PTPRD: variants seen among roughly 807,000 people sequenced by gnomAD.
PTPRD encodes receptor-type tyrosine-protein phosphatase delta.
A neutral mutation model predicts 214.5 loss-of-function variants in PTPRD; 34 were observed. That is an observed-to-expected ratio of 0.16 (90% CI 0.12 to 0.21). The LOEUF (loss-of-function observed/expected upper bound fraction) is 0.21. Ranked by LOEUF, PTPRD falls within the 10% of genes least tolerant of loss-of-function variation. The probability of loss-of-function intolerance (pLI) is 1.00; values close to 1 mark genes in which losing one functional copy is unlikely to be tolerated. For synonymous variants in PTPRD, 1,128 were observed against 845.7 expected, an observed-to-expected ratio of 1.33 and a Z score of -5.79; for missense variants, 2,545 against 2,398.7, an observed-to-expected ratio of 1.06 and a Z score of -1.27.
intron 3 of PTPRD, among the ~76,000 whole-genome samples, chr9:10,156,246 G>C (rs138555788): frequency 8.0e-4 from 122 of 151,866 alleles, no homozygotes; most frequent in Middle Eastern, 3.4e-3. Context: ...ATTTGAGATT[G>C]TTCTAACTTT....
Position 9,226,936 on chromosome 9 carries a change from A to T in PTPRD, c.-202-43573T>A, listed in dbSNP as rs145290082. ...TAAATATATCTAAATTTTGTTTCCA[A>T]CATACTAAAGGAGGACTTTAATTCA... On this transcript the variant is annotated intron_variant, in intron 9 of 45. Transcript: ENST00000381196. Among the ~76,000 whole-genome samples, 1,513 of 152,252 alleles carry T rather than the reference A, an allele frequency of 9.9e-3. 27 individuals carry two copies. The highest frequency in any genetic ancestry group is 0.035 in the African/African-American group (1,434 of 41,558).
At position 8,341,082 on chromosome 9, in the gene PTPRD, G is replaced by GTAGA. The variant is rs1450181953; in HGVS notation, c.5126+4_5126+7dup. ...GCTTTGGATAGTCAGGGGAGCAAAAGTAGATACCTGTATCCATCAATAAAA... is the reference window on the plus strand; with the variant it reads ...GCTTTGGATAGTCAGGGGAGCAAAAGTAGATAGATACCTGTATCCATCAATAAAA... On this transcript the variant is annotated splice_region_variant and intron_variant, in intron 41 of 45. Coordinates refer to ENST00000381196, the MANE Select transcript of PTPRD (RefSeq NM_002839.4). 1 of 1,583,806 alleles carries GTAGA rather than the reference G, an allele frequency of 6.3e-7. No homozygotes were observed. Among genetic ancestry groups the GTAGA allele is most frequent in the Non-Finnish European group, 8.6e-7 (1 of 1,165,772 alleles).
intron 6 of PTPRD, among the ~76,000 whole-genome samples, chr9:9,765,427 T>A (rs1236811649): frequency 6.6e-6 from 1 of 152,150 alleles, no homozygotes; most frequent in African/African-American, 2.4e-5. Flanking sequence ...AAACCAAGGA[T>A]GCCCAACTTT....
intron 5 of PTPRD, among the ~76,000 whole-genome samples, chr9:9,936,071 A>G (rs1387476838): frequency 6.8e-6 from 1 of 147,568 alleles, no homozygotes; most frequent in Non-Finnish European, 1.5e-5. Flanking sequence ...TTATACAAAA[A>G]TCAATTCAAG....
chr9:9,969,949 T>C (rs931212742), intron 4 of PTPRD, among the ~76,000 whole-genome samples: 1 of 152,164 alleles, frequency 6.6e-6, no homozygotes. Context: ...CTGTGCTTTC[T>C]TATCTCTGTC....
At chr9:9,931,845 G>C (rs2086737914) in intron 5 of PTPRD, among the ~76,000 whole-genome samples, 1 of 150,868 alleles carries the variant, frequency 6.6e-6, no homozygotes, top group Non-Finnish European at 1.5e-5. Flanking sequence ...GCTTTGAAGA[G>C]AGCAGTGGTT....
At chr9:9,109,984 C>T (rs10816048) in intron 10 of PTPRD, among the ~76,000 whole-genome samples, 12,050 of 151,824 alleles carry the variant, frequency 0.079, 623 homozygotes, top group East Asian at 0.16. Context: ...GGGTACTCAA[C>T]GAAATGAGCT....
At chr9:9,793,395 T>C (rs1435878315) in intron 5 of PTPRD, among the ~76,000 whole-genome samples, 2 of 152,114 alleles carry the variant, frequency 1.3e-5, no homozygotes, top group African/African-American at 4.8e-5. Context: ...GTCAAACTCA[T>C]GATCTTCTAT....
intron 3 of PTPRD, among the ~76,000 whole-genome samples, chr9:10,191,172 G>C (rs181990955): frequency 2.4e-4 from 37 of 152,152 alleles, no homozygotes; most frequent in Non-Finnish European, 4.3e-4. Flanking sequence ...GAATAAGAAA[G>C]AAATGATGTT....
rs903249657 is a variant in PTPRD at position 8,744,168 on chromosome 9, G to A, written c.-103-10222C>T. ...AAAAAATAGATGTTGGTGTAGATGT[G>A]GTGAAAAGGGAACACTTCTACACTG... On this transcript the variant is annotated intron_variant, in intron 11 of 45. Transcript: ENST00000381196. Among the ~76,000 whole-genome samples, 9 of 145,598 alleles carry A rather than the reference G, an allele frequency of 6.2e-5. No individual in the cohort carries two copies. The South Asian group carries it at 1.1e-3, about 18-fold the overall frequency.
At chr9:9,251,114 C>A (rs955242843) in intron 9 of PTPRD, among the ~76,000 whole-genome samples, 3 of 151,840 alleles carry the variant, frequency 2.0e-5, no homozygotes, top group Non-Finnish European at 4.4e-5. Flanking sequence ...ATCAGAGAAC[C>A]AAGGACAGAT....
chr9:9,306,396 T>A (rs1018922991), intron 9 of PTPRD, among the ~76,000 whole-genome samples: 1 of 151,412 alleles, frequency 6.6e-6, no homozygotes, highest in Non-Finnish European at 1.5e-5. Flanking sequence ...AAATCCCGTC[T>A]CTACTAAAAA....
At chr9:9,559,005 A>G (rs531454741) in intron 8 of PTPRD, among the ~76,000 whole-genome samples, 89 of 152,292 alleles carry the variant, frequency 5.8e-4, no homozygotes, top group African/African-American at 2.0e-3. Context: ...GCCCCACATC[A>G]CTAAAGTGGA....
intron 9 of PTPRD, among the ~76,000 whole-genome samples, chr9:9,270,584 C>A (rs1942449821): frequency 6.6e-6 from 1 of 151,196 alleles, no homozygotes; most frequent in Non-Finnish European, 1.5e-5. Context: ...TAGGAAAGAT[C>A]AGGTCAGGGC....
At chr9:9,103,061 T>C (rs956405727) in intron 10 of PTPRD, among the ~76,000 whole-genome samples, 84 of 152,338 alleles carry the variant, frequency 5.5e-4, no homozygotes, top group African/African-American at 1.9e-3. Flanking sequence ...AGTTTTAAAT[T>C]AAATTTTCTT....
At chr9:10,381,475 C>G (rs11999741) in intron 2 of PTPRD, among the ~76,000 whole-genome samples, 4,634 of 152,074 alleles carry the variant, frequency 0.03, 121 homozygotes, top group South Asian at 0.095. Context: ...ATGGGTCAAA[C>G]AGATTTTCAG....
intron 11 of PTPRD, among the ~76,000 whole-genome samples, chr9:8,961,150 G>T (rs569144131): frequency 6.6e-6 from 1 of 152,100 alleles, no homozygotes; most frequent in South Asian, 2.1e-4. Context: ...GTTGCCTAGG[G>T]GGACAGGGGA....
chr9:8,574,333 C>T (rs1222572100), intron 14 of PTPRD, among the ~76,000 whole-genome samples: 1 of 151,982 alleles, frequency 6.6e-6, no homozygotes, highest in African/African-American at 2.4e-5. Context: ...TCATTTTGGA[C>T]ATCATCTACT....
At chr9:10,139,763 A>G (rs2098969850) in intron 3 of PTPRD, among the ~76,000 whole-genome samples, 1 of 152,080 alleles carries the variant, frequency 6.6e-6, no homozygotes, top group Non-Finnish European at 1.5e-5. Flanking sequence ...GATCTTCAGG[A>G]AAGTGAACAA....
Sources: gnomAD v4.1 joint callset for allele counts (sites outside exome capture counted in the v4.1 genomes callset) on GRCh38, gnomAD v4.1.1 for gene constraint, MANE v1.5 for transcripts, NCBI Gene and HGNC (gene_info 2026-07-23, HGNC 2026-07-21) for gene names.